SCOC: variants seen among roughly 807,000 people sequenced by gnomAD.
SCOC encodes short coiled-coil protein, also known as short coiled coil protein.
In SCOC, 7 loss-of-function variants were observed where a neutral mutation model predicts 9.9. That is an observed-to-expected ratio of 0.71 (90% CI 0.40 to 1.33). The LOEUF is 1.33. SCOC is among the 40% of genes most tolerant of loss of function. The pLI, the probability that SCOC is intolerant of heterozygous loss-of-function variation, is 0.01. For synonymous variants in SCOC, 19 were observed against 28.2 expected, an observed-to-expected ratio of 0.67 and a Z score of 1.03; for missense variants, 66 against 89.7, an observed-to-expected ratio of 0.74 and a Z score of 1.07.
intron 1 of SCOC, among the ~76,000 whole-genome samples, chr4:140,326,389 C>T (rs145635011): frequency 6.6e-6 from 1 of 151,754 alleles, no homozygotes; most frequent in East Asian, 1.9e-4. Flanking sequence ...ATAGGCAACA[C>T]AGAAAAAAGT....
intron 1 of SCOC, among the ~76,000 whole-genome samples, chr4:140,336,398 C>A (rs1377146323): frequency 6.6e-6 from 1 of 152,172 alleles, no homozygotes; most frequent in South Asian, 2.1e-4. Context: ...CTTCTCTCAT[C>A]CCCTGACAAC....
At chr4:140,334,559 GT>G (rs951448350) in intron 1 of SCOC, among the ~76,000 whole-genome samples, 2 of 151,708 alleles carry the variant, frequency 1.3e-5, no homozygotes, top group Non-Finnish European at 2.9e-5. Context: ...TAGCGAAACT[GT>G]TTTTTTTCCT....
chr4:140,339,777 C>A (rs1014160713), upstream of SCOC, among the ~76,000 whole-genome samples: 1 of 152,134 alleles, frequency 6.6e-6, no homozygotes, highest in East Asian at 1.9e-4. Context: ...GTTAGAATGG[C>A]GATCATTAAA....
At chr4:140,275,943 C>T (rs1049324402) in intron 1 of SCOC, among the ~76,000 whole-genome samples, 13 of 151,720 alleles carry the variant, frequency 8.6e-5, no homozygotes, top group African/African-American at 3.2e-4. Flanking sequence ...TCTGCCTCAG[C>T]CTCCCGAGTG....
chr4:140,305,162 T>A (rs17005711), intron 1 of SCOC, among the ~76,000 whole-genome samples: 12,082 of 152,180 alleles, frequency 0.079, 568 homozygotes, highest in African/African-American at 0.14. Context: ...AAATAATGAC[T>A]GACCAAACCC....
rs752356057 is a variant in SCOC, at chr4:140,385,457, C to A, written c.*4353C>A. On this transcript the variant is annotated 3_prime_UTR_variant, in exon 4 of 4. Transcript: ENST00000608372. ...GCCAAAATGCTAGGAAAATCTTTAACTTTTCAGAGATTTTTGGTCATGGAA... is the reference window on the plus strand; with the variant it reads ...GCCAAAATGCTAGGAAAATCTTTAAATTTTCAGAGATTTTTGGTCATGGAA... 3.3e-5 allele frequency: 5 copies of A among 152,106 alleles called. No individual in the cohort carries two copies. The highest frequency in any genetic ancestry group is 5.9e-5 in the Non-Finnish European group (4 of 68,002). 9.4% of individuals were successfully genotyped at this position (152,106 alleles called of 1,614,324 possible). A position where few individuals can be genotyped will look rare whatever the true frequency, so the allele number is the denominator to read the frequency against.
intron 1 of SCOC, among the ~76,000 whole-genome samples, chr4:140,315,455 G>A (rs1732288831): frequency 6.6e-6 from 1 of 152,142 alleles, no homozygotes; most frequent in South Asian, 2.1e-4. Flanking sequence ...GGTAGAATTG[G>A]GGTTCAAATT....
chr4:140,317,520 C>T (rs896699338), intron 1 of SCOC, among the ~76,000 whole-genome samples: 2 of 151,986 alleles, frequency 1.3e-5, no homozygotes, highest in African/African-American at 2.4e-5. Flanking sequence ...TCTTGCGGAC[C>T]CCCTTAGAGT....
chr4:140,359,960 T>C (rs1042251393), intron 2 of SCOC, among the ~76,000 whole-genome samples: 3 of 152,154 alleles, frequency 2.0e-5, no homozygotes, highest in Admixed American at 2.0e-4. Flanking sequence ...TGTGCTAGAG[T>C]CAGAAGACTT....
chr4:140,357,291 T>C (rs1727273440), intron 2 of SCOC, among the ~76,000 whole-genome samples: 1 of 152,306 alleles, frequency 6.6e-6, no homozygotes, highest in Admixed American at 6.5e-5. Flanking sequence ...CTTTTATATA[T>C]GGTAATCAGG....
chr4:140,340,735 T>A (rs78062808), upstream of SCOC, among the ~76,000 whole-genome samples: 3,085 of 149,934 alleles, frequency 0.021, 115 homozygotes, highest in African/African-American at 0.072. Flanking sequence ...CTCTTTTCCA[T>A]TATAACTTTT....
intron 1 of SCOC, among the ~76,000 whole-genome samples, chr4:140,326,783 G>A (rs1187552070): frequency 6.6e-6 from 1 of 152,094 alleles, no homozygotes; most frequent in Non-Finnish European, 1.5e-5. Context: ...ATACACCTAG[G>A]AGACCATAAC....
intron 1 of SCOC, 76 bp from the exon 2 acceptor site, chr4:140,379,045 A>C: frequency 1.1e-6 from 1 of 916,564 alleles, no homozygotes; most frequent in Non-Finnish European, 1.8e-6. Flanking sequence ...TAGTTAACAA[A>C]ATCATCCTCC....
At chr4:140,303,156 T>C (rs1343579442) in intron 1 of SCOC, among the ~76,000 whole-genome samples, 2 of 152,146 alleles carry the variant, frequency 1.3e-5, no homozygotes, top group African/African-American at 2.4e-5. Flanking sequence ...AAAGCTTTCT[T>C]TAGGGGGTTA....
At chr4:140,379,958 A>G (rs1359174763) in intron 3 of SCOC, among the ~76,000 whole-genome samples, 1 of 152,188 alleles carries the variant, frequency 6.6e-6, no homozygotes, top group Non-Finnish European at 1.5e-5. Flanking sequence ...TTTTAAAGTA[A>G]AAACAATGTA....
intron 1 of SCOC, among the ~76,000 whole-genome samples, chr4:140,267,607 C>T (rs1730756835): frequency 6.6e-6 from 1 of 152,134 alleles, no homozygotes; most frequent in Non-Finnish European, 1.5e-5. Flanking sequence ...CTTCTCCCCT[C>T]CTTCCCAGCC....
chr4:140,364,096 G>A (rs1194816369), intron 2 of SCOC, among the ~76,000 whole-genome samples: 1 of 152,060 alleles, frequency 6.6e-6, no homozygotes, highest in Non-Finnish European at 1.5e-5. Context: ...ACACCAGCAA[G>A]CATGAAAAAC....
chr4:140,314,265 C>T, intron 1 of SCOC: 1 of 190,172 alleles, frequency 5.3e-6, no homozygotes, highest in Admixed American at 4.9e-5. Context: ...AGAAGAGGGG[C>T]CCAATTCCAC....
At chr4:140,299,867 TCC>T (rs1731762475) in intron 1 of SCOC, among the ~76,000 whole-genome samples, 1 of 152,198 alleles carries the variant, frequency 6.6e-6, no homozygotes, top group Non-Finnish European at 1.5e-5. Context: ...CACTTCACAG[TCC>T]TTTGTTCTCC....
Sources: allele counts gnomAD v4.1 joint callset (sites outside exome capture counted in the v4.1 genomes callset), GRCh38; gene constraint gnomAD v4.1.1; transcripts MANE v1.5; gene names NCBI Gene and HGNC (gene_info 2026-07-23, HGNC 2026-07-21).